PSTPIP1: variants seen among roughly 807,000 people sequenced by gnomAD.
The protein encoded by PSTPIP1 is proline-serine-threonine phosphatase-interacting protein 1.
In PSTPIP1, 66 loss-of-function variants were observed where a neutral mutation model predicts 69.6. The ratio of observed to expected loss-of-function variants is 0.95; its 90% CI spans 0.78 to 1.16. The LOEUF (loss-of-function observed/expected upper bound fraction) is 1.16, where lower values mean the gene tolerates loss of function less well. PSTPIP1 is among the 50% of genes most tolerant of loss of function. The pLI is 0.00. For missense variants in PSTPIP1, 603 were observed against 557.4 expected (o/e 1.08, Z -0.82); for synonymous variants, 266 against 222.7 (o/e 1.19, Z -1.73).
intron 12 of PSTPIP1, among the ~76,000 whole-genome samples, chr15:77,034,998 C>G (rs1444298094): frequency 1.3e-5 from 2 of 152,246 alleles, no homozygotes; most frequent in Non-Finnish European, 1.5e-5. Flanking sequence ...GGGAGGAGGG[C>G]TGGCTCGGCC....
At chr15:77,025,417 C>T (rs1411295868) in intron 4 of PSTPIP1, 81 bp from the exon 5 acceptor site, 1 of 1,583,746 alleles carries the variant, frequency 6.3e-7, no homozygotes, top group Non-Finnish European at 8.7e-7. Context: ...TGGGGCTGGG[C>T]TGGCCCACAC....
intron 3 of PSTPIP1, among the ~76,000 whole-genome samples, chr15:77,019,679 C>T (rs2076123826): frequency 6.6e-6 from 1 of 152,250 alleles, no homozygotes; most frequent in African/African-American, 2.4e-5. Flanking sequence ...TGTTTCTCAC[C>T]TCCCACTCCA....
At chr15:77,019,580 A>G (rs946037768) in intron 3 of PSTPIP1, among the ~76,000 whole-genome samples, 5 of 152,180 alleles carry the variant, frequency 3.3e-5, no homozygotes, top group African/African-American at 1.2e-4. Context: ...GGGAGGACGG[A>G]GGGCTCTGAG....
At chr15:77,034,051 G>GAGATGT (rs2076491545) in intron 12 of PSTPIP1, among the ~76,000 whole-genome samples, 1 of 152,106 alleles carries the variant, frequency 6.6e-6, no homozygotes, top group Non-Finnish European at 1.5e-5. Context: ...GAGAGAGAGA[G>GAGATGT]AGATGTCCTG....
At chr15:77,018,407 C>T (rs1295314154) in intron 2 of PSTPIP1, 50 bp from the exon 3 acceptor site, 5 of 1,551,578 alleles carry the variant, frequency 3.2e-6, no homozygotes, top group Non-Finnish European at 4.4e-6. Context: ...TGGGCCTCCC[C>T]CAGAGGTGGC....
Position 76,995,381 on chromosome 15 carries a change from G to A in PSTPIP1, c.-193G>A. On this transcript the variant is annotated 5_prime_UTR_variant, in exon 1 of 15. Coordinates refer to ENST00000558012, the MANE Select transcript of PSTPIP1 (RefSeq NM_003978.5). ...GCTGATTCTAGCCCCAAACAAAACA[G>A]GTTGAGCTTTTTCCTCCCCTCAGAA... The A allele has an allele frequency of 7.6e-6, 11 of 1,442,940 alleles. No homozygotes were observed. Among genetic ancestry groups the A allele is most frequent in the Non-Finnish European group, 1.0e-5 (11 of 1,102,748 alleles). 89.4% of individuals were successfully genotyped at this position (1,442,940 alleles called of 1,614,324 possible).
intron 8 of PSTPIP1, 126 bp from the exon 9 acceptor site, chr15:77,030,376 C>G (rs1014202264): frequency 1.0e-6 from 1 of 961,588 alleles, no homozygotes; most frequent in Non-Finnish European, 1.6e-6. Context: ...CCGCCATCTG[C>G]TAGGGCAGGT....
intron 1 of PSTPIP1, among the ~76,000 whole-genome samples, chr15:76,997,707 A>G (rs139957287): frequency 2.2e-3 from 333 of 152,280 alleles, no homozygotes; most frequent in African/African-American, 7.6e-3. Context: ...GGGGTAAGAT[A>G]AGAGGTAACC....
At chr15:77,035,452 G>A (rs1238138510) in intron 12 of PSTPIP1, 56 bp from the exon 13 acceptor site, 4 of 1,521,018 alleles carry the variant, frequency 2.6e-6, no homozygotes, top group African/African-American at 1.4e-5. Flanking sequence ...CCTCCCTCCT[G>A]GTGGGTCCCT....
In PSTPIP1 at chr15:77,004,883, A is replaced by C. The variant is rs150299914; in HGVS notation, c.36+9274A>C. On this transcript the variant is annotated intron_variant, in intron 1 of 14. Transcript: ENST00000558012. ...CAAAACAAACAAACAAACAAACAAA[A>C]AAAACAAAGAAAGAAAAGAGAAGCA... Among the ~76,000 whole-genome samples, 462 of 151,166 alleles carry C rather than the reference A, an allele frequency of 3.1e-3. 3 individuals are homozygous for C. The highest frequency in any genetic ancestry group is 9.4e-3 in the African/African-American group (386 of 41,118).
At chr15:77,009,219 G>C (rs1353976718) in intron 1 of PSTPIP1, among the ~76,000 whole-genome samples, 1 of 152,102 alleles carries the variant, frequency 6.6e-6, no homozygotes, top group Non-Finnish European at 1.5e-5. Flanking sequence ...GCTCAGCTCC[G>C]AGGCCCTGAA....
intron 1 of PSTPIP1, among the ~76,000 whole-genome samples, chr15:77,007,051 C>T (rs1369195415): frequency 2.0e-5 from 3 of 152,198 alleles, no homozygotes; most frequent in African/African-American, 7.2e-5. Flanking sequence ...ATCATACTCT[C>T]ACCCTGGGCA....
At chr15:77,025,357 C>T (rs754211064) in intron 4 of PSTPIP1, 39 bp downstream of exon 4, 4 of 1,592,018 alleles carry the variant, frequency 2.5e-6, no homozygotes, top group South Asian at 1.1e-5. Context: ...TCTTTTGGGA[C>T]TGCGAGGCTG....
intron 3 of PSTPIP1, among the ~76,000 whole-genome samples, chr15:77,021,866 C>G (rs2076167980): frequency 6.6e-6 from 1 of 152,190 alleles, no homozygotes; most frequent in South Asian, 2.1e-4. Flanking sequence ...TCACCTCCCT[C>G]AGAAAGCTGT....
intron 8 of PSTPIP1, among the ~76,000 whole-genome samples, chr15:77,030,105 T>G (rs1353779416): frequency 2.0e-5 from 3 of 152,108 alleles, no homozygotes; most frequent in Non-Finnish European, 4.4e-5. Flanking sequence ...GGGGGACAGG[T>G]GACCTCCAGA....
chr15:77,031,041 AG>A (rs1039811241), intron 9 of PSTPIP1, 138 bp from the exon 10 acceptor site: 8 of 794,546 alleles, frequency 1.0e-5, no homozygotes, highest in Non-Finnish European at 1.6e-5. Context: ...TGGGGACCCC[AG>A]GGCACTCTCT....
chr15:77,030,649 C>A, intron 9 of PSTPIP1, 68 bp downstream of exon 9: 1 of 1,464,882 alleles, frequency 6.8e-7, no homozygotes, highest in Non-Finnish European at 9.2e-7. Flanking sequence ...CCTACTCCAG[C>A]TGCTTAAAGG....
At position 77,037,365 on chromosome 15, in the gene PSTPIP1, C is replaced by G; in HGVS notation, c.*189C>G. On this transcript the variant is annotated 3_prime_UTR_variant, in exon 15 of 15. Coordinates refer to ENST00000558012, the MANE Select transcript of PSTPIP1 (RefSeq NM_003978.5). ...TGCTGGGGTCCCGTTCTCTTTTTCT[C>G]CTGCTCCAGTGTCCGAGTGCTCAGT... is the stretch of plus-strand genomic sequence containing the variant. 1 of 711,998 alleles carries G rather than the reference C, an allele frequency of 1.4e-6. No individual in the cohort carries two copies. Among genetic ancestry groups the G allele is most frequent in the Non-Finnish European group, 2.2e-6 (1 of 461,832 alleles). The allele number at this position is 711,998 out of a possible 1,614,324, so 44.1% of individuals were successfully genotyped here.
intron 8 of PSTPIP1, among the ~76,000 whole-genome samples, 162 bp from the exon 9 acceptor site, chr15:77,030,340 G>C (rs1231375088): frequency 6.6e-6 from 1 of 152,222 alleles, no homozygotes; most frequent in Non-Finnish European, 1.5e-5. Context: ...AGCGTGGGTG[G>C]CCCTGACGGG....
Sources: gnomAD v4.1 joint callset for allele counts (sites outside exome capture counted in the v4.1 genomes callset) on GRCh38, gnomAD v4.1.1 for gene constraint, MANE v1.5 for transcripts, NCBI Gene and HGNC (gene_info 2026-07-23, HGNC 2026-07-21) for gene names.